Variants in ODAD2 observed in about 807,000 individuals in gnomAD.
ODAD2 encodes outer dynein arm-docking complex subunit 2.
ODAD2 carries 89 observed loss-of-function variants against 106.8 expected under a neutral mutation model. The ratio of observed to expected loss-of-function variants is 0.83; its 90% CI spans 0.70 to 0.99. ODAD2 has a LOEUF of 0.99. ODAD2 is among the 50% of genes least tolerant of loss of function. The pLI is 0.00. For missense variants in ODAD2, 1,168 were observed against 1,238.5 expected (o/e 0.94, Z 0.85); for synonymous variants, 404 against 436.2 (o/e 0.93, Z 0.92).
chr10:27,860,825 G>A lies in ODAD2; in HGVS notation c.2821C>T (p.His941Tyr). ...CAACGTGAAATAGCTTCTGCTAGAT[G>A]ATGTCTCAATTTATTGTTATTCTGT... ...ANTNNNKLRH[H>Y]LAEAISRCCM... The change falls in exon 19 of 20, where the codon CAT (histidine) becomes TAT (tyrosine). Residue 941 changes from histidine (H) to tyrosine (Y), a missense_variant. Physicochemically the swap from His to Tyr is moderately conservative, Grantham distance 83. Transcript: ENST00000305242. The A allele has an allele frequency of 6.2e-7, 1 of 1,614,076 alleles. No homozygotes were observed. The highest frequency in any genetic ancestry group is 8.5e-7 in the Non-Finnish European group (1 of 1,179,958).
At chr10:27,949,523 G>A (rs759638864) in intron 10 of ODAD2, among the ~76,000 whole-genome samples, 17 of 152,080 alleles carry the variant, frequency 1.1e-4, no homozygotes, top group South Asian at 6.2e-4. Flanking sequence ...TCCACCAGTC[G>A]GAGCAAACAG....
At chr10:27,864,600 G>A (rs1274847159) in intron 17 of ODAD2, among the ~76,000 whole-genome samples, 1 of 150,666 alleles carries the variant, frequency 6.6e-6, no homozygotes, top group African/African-American at 2.4e-5. Context: ...GTGAGAGTGG[G>A]GAGTGAGGTG....
At chr10:27,902,326 T>C (rs553162062) in intron 17 of ODAD2, among the ~76,000 whole-genome samples, 1 of 152,298 alleles carries the variant, frequency 6.6e-6, no homozygotes, top group East Asian at 1.9e-4. Context: ...GGGAAATTTA[T>C]AGCACTAAAT....
chr10:27,885,696 A>AAATATATATTATATATAT (rs1491556365), intron 17 of ODAD2, among the ~76,000 whole-genome samples: 1 of 44,478 alleles, frequency 2.2e-5, no homozygotes, highest in South Asian at 5.4e-4. Context: ...ATAATATATA[A>AAATATATATTATATATAT]TATATATAAA....
intron 17 of ODAD2, among the ~76,000 whole-genome samples, chr10:27,867,187 T>C (rs1187507865): frequency 1.3e-5 from 2 of 151,694 alleles, no homozygotes; most frequent in African/African-American, 2.4e-5. Flanking sequence ...GCAACCACAG[T>C]GGGAAGGCAG....
intron 19 of ODAD2, among the ~76,000 whole-genome samples, chr10:27,831,893 T>C (rs1837506435): frequency 6.6e-6 from 1 of 152,252 alleles, no homozygotes; most frequent in Non-Finnish European, 1.5e-5. Context: ...CTCCCCTGCA[T>C]GCCATATGCA....
intron 10 of ODAD2, among the ~76,000 whole-genome samples, chr10:27,954,101 T>C (rs1403570115): frequency 6.6e-6 from 1 of 152,188 alleles, no homozygotes; most frequent in Non-Finnish European, 1.5e-5. Flanking sequence ...TTATACCAAA[T>C]CTGATGCCTC....
At chr10:27,859,846 A>G (rs1839918457) in intron 19 of ODAD2, among the ~76,000 whole-genome samples, 1 of 152,186 alleles carries the variant, frequency 6.6e-6, no homozygotes, top group African/African-American at 2.4e-5. Context: ...TAAACAAACA[A>G]ACAAACAAAC....
At chr10:27,947,842 C>A (rs1847046998) in intron 10 of ODAD2, among the ~76,000 whole-genome samples, 1 of 152,176 alleles carries the variant, frequency 6.6e-6, no homozygotes, top group African/African-American at 2.4e-5. Flanking sequence ...ACTGTCCCAT[C>A]CTAACATTCT....
chr10:27,829,044 T>A (rs188160932), intron 19 of ODAD2, among the ~76,000 whole-genome samples: 1 of 152,148 alleles, frequency 6.6e-6, no homozygotes, highest in East Asian at 1.9e-4. Flanking sequence ...ATAGAATTCA[T>A]CCCTCATGTG....
Position 27,857,969 on chromosome 10 carries a change from T to C in ODAD2, c.3021+2656A>G, listed in dbSNP as rs536802021. Among the ~76,000 whole-genome samples, 31 of 152,334 alleles carry C rather than the reference T, an allele frequency of 2.0e-4. 1 individual carries two copies. In the South Asian group the frequency reaches 2.1e-3, roughly 10 times the overall value. On this transcript the variant is annotated intron_variant, in intron 19 of 19. Transcript: ENST00000305242. ...GCCAGGGTTTTGCCAAAATACTGGA[T>C]AAAATTTACATGCATTCGAAGTCAG...
intron 10 of ODAD2, among the ~76,000 whole-genome samples, chr10:27,948,738 C>T (rs1847112052): frequency 6.8e-6 from 1 of 146,412 alleles, no homozygotes; most frequent in Admixed American, 7.0e-5. Flanking sequence ...TCTCCCTGCC[C>T]CTTTTCTTTT....
intron 17 of ODAD2, among the ~76,000 whole-genome samples, chr10:27,885,536 ATATATATAT>A (rs1842042244): frequency 7.4e-5 from 1 of 13,580 alleles, no homozygotes; most frequent in African/African-American, 2.3e-4. Context: ...AAAAAAAAAT[ATATATATAT>A]ATAAATATAT....
chr10:27,937,074 C>A (rs1488693922), intron 14 of ODAD2, among the ~76,000 whole-genome samples, 194 bp from the exon 15 acceptor site: 1 of 152,150 alleles, frequency 6.6e-6, no homozygotes, highest in Non-Finnish European at 1.5e-5. Flanking sequence ...CCTTATGTGG[C>A]TTTGGGAATG....
intron 3 of ODAD2, among the ~76,000 whole-genome samples, chr10:27,986,450 A>G (rs763993623): frequency 6.6e-6 from 1 of 152,216 alleles, no homozygotes. Flanking sequence ...AATTGAATGA[A>G]TAATCCTTCA....
Position 27,860,609 on chromosome 10 carries a change from A to G in ODAD2, c.3021+16T>C. ...TTACCAAACTTGGACTAAACCACAAAGTCATTCAACTGTACCTTTACTGCA... is the reference window on the plus strand; with the variant it reads ...TTACCAAACTTGGACTAAACCACAAGGTCATTCAACTGTACCTTTACTGCA... On this transcript the variant is annotated intron_variant, in intron 19 of 19. Coordinates refer to ENST00000305242, the MANE Select transcript of ODAD2 (RefSeq NM_018076.5). 3 of 1,609,884 alleles carry G rather than the reference A, an allele frequency of 1.9e-6. No homozygotes were observed. The highest frequency in any genetic ancestry group is 2.5e-6 in the Non-Finnish European group (3 of 1,176,896).
intron 12 of ODAD2, among the ~76,000 whole-genome samples, chr10:27,942,166 T>G (rs558987967): frequency 6.6e-6 from 1 of 152,338 alleles, no homozygotes; most frequent in Admixed American, 6.5e-5. Flanking sequence ...AATTGCATGG[T>G]GGTTAGCAGG....
chr10:27,922,153 CAA>C (rs34021438), intron 16 of ODAD2, among the ~76,000 whole-genome samples: 7 of 107,634 alleles, frequency 6.5e-5, no homozygotes, highest in Non-Finnish European at 9.3e-5. Context: ...AACTCTGCCT[CAA>C]AAAAAAAAAA....
chr10:27,891,991 T>C (rs1842596371), intron 17 of ODAD2, among the ~76,000 whole-genome samples: 1 of 152,182 alleles, frequency 6.6e-6, no homozygotes, highest in South Asian at 2.1e-4. Flanking sequence ...AGTTGCATTC[T>C]TTACATCACA....
Sources: allele counts gnomAD v4.1 joint callset (sites outside exome capture counted in the v4.1 genomes callset), GRCh38; gene constraint gnomAD v4.1.1; transcripts MANE v1.5; gene names NCBI Gene and HGNC (gene_info 2026-07-23, HGNC 2026-07-21).